Variants in ULK4 observed in about 807,000 individuals in gnomAD.
ULK4 encodes the protein unc-51 like kinase 4, also known as inactive serine/threonine-protein kinase ULK4.
ULK4 carries 133 observed loss-of-function variants against 160.6 expected under a neutral mutation model. The observed-to-expected ratio is 0.83, with a 90% CI of 0.72 to 0.96. The LOEUF (loss-of-function observed/expected upper bound fraction) is 0.96. Ranked by LOEUF, ULK4 falls within the 40% of genes least tolerant of loss-of-function variation. The pLI is 0.00. For synonymous variants in ULK4, 534 were observed against 539.8 expected (o/e 0.99, Z 0.15); for missense variants, 1,580 against 1,499.5 (o/e 1.05, Z -0.89).
rs77877710 is a variant in ULK4 at position 41,944,116 on chromosome 3, C to T, written c.139-5919G>A. On this transcript the variant is annotated intron_variant, in intron 2 of 36. Transcript: ENST00000301831. The stretch of plus-strand genomic sequence containing the variant: ...TTTATTCAACGTAACCCCGTGGCAC[C>T]CTCTTTCTTCCCCTTCCTCCCTGGA... Among the ~76,000 whole-genome samples the T allele has an allele frequency of 3.8e-3, 584 of 152,200 alleles. 8 individuals carry two copies. The East Asian group carries it at 0.053, about 14-fold the overall frequency.
intron 12 of ULK4, among the ~76,000 whole-genome samples, chr3:41,906,618 ATGT>A (rs1437004406): frequency 6.6e-6 from 1 of 152,170 alleles, no homozygotes; most frequent in East Asian, 1.9e-4. Context: ...AAAAAAAAAG[ATGT>A]TGTATATACA....
chr3:41,830,303 A>G (rs1214830313), intron 18 of ULK4, among the ~76,000 whole-genome samples: 1 of 152,184 alleles, frequency 6.6e-6, no homozygotes, highest in Non-Finnish European at 1.5e-5. Context: ...TAATTTAAAA[A>G]AGGTATATAC....
At chr3:41,303,129 G>C (rs886332277) in intron 35 of ULK4, among the ~76,000 whole-genome samples, 3 of 152,174 alleles carry the variant, frequency 2.0e-5, no homozygotes, top group Non-Finnish European at 4.4e-5. Flanking sequence ...AAAAATTATA[G>C]TATTGCCTCT....
intron 35 of ULK4, among the ~76,000 whole-genome samples, chr3:41,384,516 C>G (rs765240885): frequency 5.9e-5 from 9 of 152,066 alleles, no homozygotes; most frequent in Non-Finnish European, 1.2e-4. Flanking sequence ...ATAGGGAAAT[C>G]CTGTTTCTAT....
intron 35 of ULK4, among the ~76,000 whole-genome samples, chr3:41,297,292 G>C (rs372607141): frequency 2.6e-5 from 4 of 152,176 alleles, no homozygotes; most frequent in East Asian, 1.9e-4. Flanking sequence ...ATCACTGGGC[G>C]GGGGGTTGGA....
chr3:41,307,694 G>C (rs186224410), intron 35 of ULK4, among the ~76,000 whole-genome samples: 1 of 152,084 alleles, frequency 6.6e-6, no homozygotes, highest in African/African-American at 2.4e-5. Context: ...GCTGGGCGTG[G>C]TTGCAAGAGC....
intron 34 of ULK4, among the ~76,000 whole-genome samples, chr3:41,410,711 G>T (rs1204632454): frequency 6.6e-6 from 1 of 152,126 alleles, no homozygotes; most frequent in African/African-American, 2.4e-5. Context: ...AAGTCTTCAA[G>T]AAAACTGAAA....
At chr3:41,852,009 A>G (rs1482356470) in intron 17 of ULK4, among the ~76,000 whole-genome samples, 1 of 152,186 alleles carries the variant, frequency 6.6e-6, no homozygotes, top group East Asian at 1.9e-4. Context: ...TAGCAAGACT[A>G]ATAGAGAAGA....
chr3:41,775,857 G>C (rs192030118), intron 21 of ULK4, among the ~76,000 whole-genome samples: 3 of 150,746 alleles, frequency 2.0e-5, no homozygotes, highest in Middle Eastern at 3.4e-3. Context: ...AATCTAGTTT[G>C]TTCATTTCTA....
At chr3:41,866,848 TTC>T (rs1273363910) in intron 17 of ULK4, among the ~76,000 whole-genome samples, 1 of 152,338 alleles carries the variant, frequency 6.6e-6, no homozygotes, top group South Asian at 2.1e-4. Flanking sequence ...TTCCAGAAAG[TTC>T]TGTTATTCAA....
At chr3:41,261,576 C>A (rs2078943762) in intron 35 of ULK4, among the ~76,000 whole-genome samples, 1 of 152,220 alleles carries the variant, frequency 6.6e-6, no homozygotes, top group South Asian at 2.1e-4. Flanking sequence ...CCACTGCCTA[C>A]ATGTTGTGTT....
intron 17 of ULK4, among the ~76,000 whole-genome samples, chr3:41,858,826 T>C (rs997858289): frequency 1.3e-5 from 2 of 150,322 alleles, no homozygotes; most frequent in African/African-American, 4.9e-5. Flanking sequence ...TTCCCCCCCA[T>C]AGAAAGCAGA....
chr3:41,764,991 C>T (rs2039110369), intron 21 of ULK4, among the ~76,000 whole-genome samples: 1 of 152,150 alleles, frequency 6.6e-6, no homozygotes, highest in Non-Finnish European at 1.5e-5. Flanking sequence ...TTGTGGAAGC[C>T]AGTGTGGCGA....
At chr3:41,719,094 A>G (rs1438014088) in intron 22 of ULK4, among the ~76,000 whole-genome samples, 1 of 152,178 alleles carries the variant, frequency 6.6e-6, no homozygotes, top group Admixed American at 6.5e-5. Flanking sequence ...GCCTTCAACT[A>G]CACAAGTCAA....
At chr3:41,698,565 T>C (rs983468790) in intron 27 of ULK4, among the ~76,000 whole-genome samples, 1 of 152,136 alleles carries the variant, frequency 6.6e-6, no homozygotes, top group Non-Finnish European at 1.5e-5. Flanking sequence ...CTCCAAAACA[T>C]CCAAAATCTG....
chr3:41,895,974 G>A (rs1160312950), intron 15 of ULK4, among the ~76,000 whole-genome samples: 1 of 152,030 alleles, frequency 6.6e-6, no homozygotes, highest in Non-Finnish European at 1.5e-5. Context: ...TCTGCCAATC[G>A]ATGCTTAAAC....
At chr3:41,748,292 TACAC>T (rs943219357) in intron 22 of ULK4, among the ~76,000 whole-genome samples, 3 of 150,864 alleles carry the variant, frequency 2.0e-5, no homozygotes, top group Non-Finnish European at 3.0e-5. Context: ...ATTATATATA[TACAC>T]ACACACAGAC....
At chr3:41,936,792 G>A (rs1699789150) in intron 3 of ULK4, among the ~76,000 whole-genome samples, 1 of 152,120 alleles carries the variant, frequency 6.6e-6, no homozygotes, top group Non-Finnish European at 1.5e-5. Context: ...GGTGGTGGGG[G>A]AGTGGGGATG....
chr3:41,662,913 T>TA (rs1259888593), intron 30 of ULK4, among the ~76,000 whole-genome samples: 1 of 150,260 alleles, frequency 6.7e-6, no homozygotes, highest in East Asian at 1.9e-4. Context: ...CACTTAAAAA[T>TA]AAAAAATAAA....
Sources: gnomAD v4.1 joint callset for allele counts (sites outside exome capture counted in the v4.1 genomes callset) on GRCh38, gnomAD v4.1.1 for gene constraint, MANE v1.5 for transcripts, NCBI Gene and HGNC (gene_info 2026-07-23, HGNC 2026-07-21) for gene names.